Variants in MROH7 observed in about 807,000 individuals in gnomAD.
MROH7 encodes maestro heat-like repeat-containing protein family member 7.
In MROH7, 113 loss-of-function variants were observed where a neutral mutation model predicts 129.2. The ratio of observed to expected loss-of-function variants is 0.87; its 90% CI spans 0.75 to 1.02. The LOEUF (loss-of-function observed/expected upper bound fraction) is 1.02, where lower values mean the gene tolerates loss of function less well. Ranked by LOEUF, MROH7 falls within the 50% of genes least tolerant of loss-of-function variation. The pLI is 0.00. For synonymous variants in MROH7, 655 were observed against 667.9 expected (o/e 0.98, Z 0.30); for missense variants, 1,601 against 1,671.3 (o/e 0.96, Z 0.73).
chr1:54,701,684 C>T (rs1326057666), intron 19 of MROH7, among the ~76,000 whole-genome samples: 1 of 152,164 alleles, frequency 6.6e-6, no homozygotes, highest in Non-Finnish European at 1.5e-5. Context: ...GTTCTCCCAC[C>T]TCAGCCTCCT....
At position 54,701,211 on chromosome 1, in the gene MROH7, G is replaced by A. The variant is rs375012137; in HGVS notation, c.3174G>A (p.Val1058=). The part of the protein sequence containing the change: ...KGLKNMDGML[V]VEAVHNLKAV... ...TGAAGAACATGGATGGGATGCTGGT[G>A]GTGGAAGCGGTCCACAACCTCAAGG... The change falls in exon 19 of 24, where the codon GTG becomes GTA. Residue 1058 remains valine, a synonymous_variant. Coordinates refer to ENST00000421030, the MANE Select transcript of MROH7 (RefSeq NM_001039464.4). The A allele has an allele frequency of 2.2e-5, 35 of 1,614,084 alleles. No individual in the cohort carries two copies. The highest frequency in any genetic ancestry group is 3.0e-5 in the Non-Finnish European group (35 of 1,180,026).
rs758553862 is a variant in MROH7, at chr1:54,679,893, C to T, written c.2229C>T (p.Ile743=). Residue 743 remains isoleucine (I), a splice_region_variant and synonymous_variant, in exon 13 of 24, where the codon ATC becomes ATT. Transcript: ENST00000421030. Reference sequence around the variant, plus strand: ...TGGCTGCCCCGGCTGTGCCCCAGATCCCAGAAATCATGCAAGGCATCTACA... The same window carrying T: ...TGGCTGCCCCGGCTGTGCCCCAGATTCCAGAAATCATGCAAGGCATCTACA... ...EWYRHRALEV[I]PEIMQGIYMQ... 58 of 1,607,234 alleles carry T rather than the reference C, an allele frequency of 3.6e-5. No homozygotes were observed. Among genetic ancestry groups the T allele is most frequent in the Non-Finnish European group, 4.7e-5 (55 of 1,177,464 alleles).
At position 54,653,653 on chromosome 1, in the gene MROH7, G is replaced by A; in HGVS notation, c.727G>A (p.Asp243Asn). ...AGATTCTCATGGGACCCTAATCCCA[G>A]ACACAAATGAGACCATCACTTTGGC... ...APDSHGTLIP[D>N]TNETITLASH... is the part of the protein sequence containing the mutation. The change falls in exon 3 of 24, where the codon GAC becomes AAC. Residue 243 changes from aspartate (D) to asparagine (N), a missense_variant. Coordinates refer to ENST00000421030, the MANE Select transcript of MROH7 (RefSeq NM_001039464.4). 1 of 1,614,168 alleles carries A rather than the reference G, an allele frequency of 6.2e-7. No homozygotes were observed. Among genetic ancestry groups the A allele is most frequent in the East Asian group, 2.2e-5 (1 of 44,882 alleles).
chr1:54,647,967 C>T (rs1334050587), intron 1 of MROH7, among the ~76,000 whole-genome samples: 1 of 150,054 alleles, frequency 6.7e-6, no homozygotes, highest in Non-Finnish European at 1.5e-5. Flanking sequence ...TTTTGCATGT[C>T]AATATCCAGC....
intron 3 of MROH7, among the ~76,000 whole-genome samples, chr1:54,661,705 C>T (rs566179653): frequency 2.0e-5 from 3 of 152,090 alleles, no homozygotes; most frequent in South Asian, 4.2e-4. Flanking sequence ...AAGTGATTTT[C>T]CTGCCTCAGC....
At position 54,650,659 on chromosome 1, in the gene MROH7, C is replaced by T. The variant is rs555938359; in HGVS notation, c.-109-1290C>T. On this transcript the variant is annotated intron_variant, in intron 1 of 23. Transcript: ENST00000421030. ...TCTCCTCCCTTCCTTCCTTGTTCCTCTCTTATCTCCCTACTTTCCTTACCA... is the reference window on the plus strand; with the variant it reads ...TCTCCTCCCTTCCTTCCTTGTTCCTTTCTTATCTCCCTACTTTCCTTACCA... 1.3e-4 allele frequency among the ~76,000 whole-genome samples: 20 copies of T among 151,932 alleles called. No homozygotes were observed. In the South Asian group the frequency reaches 4.2e-3, roughly 32 times the overall value.
chr1:54,651,500 G>A (rs532966090), intron 1 of MROH7: 1 of 152,594 alleles, frequency 6.6e-6, no homozygotes, highest in East Asian at 1.9e-4. Flanking sequence ...CTAACTGGGA[G>A]AGCCTGCCTC....
chr1:54,674,307 A>G (rs1644949649), intron 10 of MROH7, among the ~76,000 whole-genome samples, 156 bp downstream of exon 10: 1 of 152,212 alleles, frequency 6.6e-6, no homozygotes, highest in Admixed American at 6.5e-5. Context: ...ACTGGTGTGA[A>G]GCCCAAGACC....
At chr1:54,665,077 G>A (rs746972733) in intron 3 of MROH7, 90 bp from the exon 4 acceptor site, 42 of 938,458 alleles carry the variant, frequency 4.5e-5, no homozygotes, top group Non-Finnish European at 7.1e-5. Context: ...AGGATTGGAG[G>A]TGCCTAGAGG....
chr1:54,700,123 G>A (rs1363881763), intron 17 of MROH7, 198 bp from the exon 18 acceptor site: 2 of 749,132 alleles, frequency 2.7e-6, no homozygotes, highest in Admixed American at 2.0e-5. Context: ...GCTCGGAGCT[G>A]GAGAGTGACA....
Position 54,668,887 on chromosome 1 carries a change from G to C in MROH7, c.1339G>C (p.Asp447His), listed in dbSNP as rs1418207026. ...TGTCACCACCCTTCAGAAGAGCCAGGATCTGCTGGAGGCAGAAGGAGAAAA... is the reference window on the plus strand; with the variant it reads ...TGTCACCACCCTTCAGAAGAGCCAGCATCTGCTGGAGGCAGAAGGAGAAAA... The part of the protein sequence containing the change: ...ENVTTLQKSQ[D>H]LLEAEGEKKT... The change falls in exon 5 of 24, where the codon GAT (aspartate) becomes CAT (histidine). Residue 447 changes from aspartate to histidine, a missense_variant. Coordinates refer to ENST00000421030, the MANE Select transcript of MROH7 (RefSeq NM_001039464.4). The C allele has an allele frequency of 4.3e-6, 7 of 1,612,414 alleles. No individual in the cohort carries two copies. In the Middle Eastern group the frequency reaches 1.2e-3, roughly 266 times the overall value.
intron 20 of MROH7, 52 bp downstream of exon 20, chr1:54,702,297 C>A: frequency 7.4e-7 from 1 of 1,351,316 alleles, no homozygotes; most frequent in Non-Finnish European, 9.6e-7. Flanking sequence ...GTCCTGTGGG[C>A]GCACCTCTTT....
intron 21 of MROH7, among the ~76,000 whole-genome samples, chr1:54,704,380 GC>G: frequency 6.6e-6 from 1 of 151,866 alleles, no homozygotes; most frequent in East Asian, 1.9e-4. Flanking sequence ...CACCGTGCAG[GC>G]CCTTCTCTTG....
rs201434014 is a variant in MROH7 at position 54,701,276 on chromosome 1, C to T, written c.3239C>T (p.Ala1080Val). 309 of 1,611,222 alleles carry T rather than the reference C, an allele frequency of 1.9e-4. 1 individual carries two copies. Among genetic ancestry groups the T allele is most frequent in the South Asian group, 1.5e-3 (138 of 90,728 alleles). ...CGGGACCAGAAGCTGATGGACAGTGCGGTCTATGTGGAGATGCTGCAGATC... is the reference window on the plus strand; with the variant it reads ...CGGGACCAGAAGCTGATGGACAGTGTGGTCTATGTGGAGATGCTGCAGATC... Reference protein sequence around the residue: ...KGRDQKLMDSAVYVEMLQILL... With the variant: ...KGRDQKLMDSVVYVEMLQILL... Residue 1080 changes from alanine to valine, a missense_variant, in exon 19 of 24, where the codon GCG becomes GTG. Ala to Val is a moderately conservative substitution (Grantham distance 64, BLOSUM62 0). Transcript: ENST00000421030.
At chr1:54,691,070 C>T (rs2101167731) in intron 15 of MROH7, among the ~76,000 whole-genome samples, 1 of 152,296 alleles carries the variant, frequency 6.6e-6, no homozygotes, top group Middle Eastern at 3.4e-3. Context: ...TCAGCTTAGC[C>T]ATTCAGCCAG....
chr1:54,664,563 C>A (rs1644782800), intron 3 of MROH7, among the ~76,000 whole-genome samples: 1 of 152,184 alleles, frequency 6.6e-6, no homozygotes, highest in Non-Finnish European at 1.5e-5. Flanking sequence ...GTGAAGCAGG[C>A]AAGTGGTGGG....
In MROH7 at chr1:54,682,681, C is replaced by G; in HGVS notation, c.2407C>G (p.Leu803Val). ...NSNGAEMWRQ[L>V]ILCKPSCDVR... ...CAATGGAGCAGAGATGTGGAGGCAG[C>G]TGATACTGTGTAAGCCCAGCTGTGA... Residue 803 changes from leucine (L) to valine (V), a missense_variant, in exon 14 of 24, where the codon CTG becomes GTG. Coordinates refer to ENST00000421030, the MANE Select transcript of MROH7 (RefSeq NM_001039464.4). 6.2e-7 allele frequency: 1 copy of G among 1,613,870 alleles called. No homozygotes were observed. The highest frequency in any genetic ancestry group is 8.5e-7 in the Non-Finnish European group (1 of 1,179,916).
At position 54,666,425 on chromosome 1, in the gene MROH7, A is replaced by ATTTTTTTTTT. The variant is rs71048704; in HGVS notation, c.1305+1203_1305+1212dup. 8.2e-4 allele frequency among the ~76,000 whole-genome samples: 57 copies of ATTTTTTTTTT among 69,230 alleles called. 1 individual carries two copies. The highest frequency in any genetic ancestry group is 2.6e-3 in the South Asian group (4 of 1,534). The allele number at this position is 69,230 out of a possible 152,430, so 45.4% of individuals were successfully genotyped here. ...GGTTATAGGAGGCGGGAGAAGAGGA[A>ATTTTTTTTTT]TTTTTTTTTTTTTTTTTTTTTTTTT... On this transcript the variant is annotated intron_variant, in intron 4 of 23. Transcript: ENST00000421030.
rs556908163 is a variant in MROH7, at chr1:54,656,204, T to C, written c.1231+2047T>C. ...CCACCACAGCTGTCCCAATGTATTCTTTTTTAATTGAAAAGTTTTTTTTTC... is the reference window on the plus strand; with the variant it reads ...CCACCACAGCTGTCCCAATGTATTCCTTTTTAATTGAAAAGTTTTTTTTTC... On this transcript the variant is annotated intron_variant, in intron 3 of 23. Coordinates refer to ENST00000421030, the MANE Select transcript of MROH7 (RefSeq NM_001039464.4). Among the ~76,000 whole-genome samples, 18 of 151,814 alleles carry C rather than the reference T, an allele frequency of 1.2e-4. 1 individual carries two copies. Among genetic ancestry groups the C allele is most frequent in the Admixed American group, 1.2e-3 (18 of 15,270 alleles).
Sources: gnomAD v4.1 joint callset for allele counts (sites outside exome capture counted in the v4.1 genomes callset) on GRCh38, gnomAD v4.1.1 for gene constraint, MANE v1.5 for transcripts, NCBI Gene and HGNC (gene_info 2026-07-23, HGNC 2026-07-21) for gene names.